Variants in ANK2 observed in about 807,000 individuals in gnomAD.
ANK2 encodes the protein ankyrin 2, also known as ankyrin-2.
ANK2 carries 83 observed loss-of-function variants against 360.5 expected under a neutral mutation model. That is an observed-to-expected ratio of 0.23 (90% CI 0.19 to 0.28). ANK2 has a LOEUF of 0.28. Among genes scored for constraint, ANK2 ranks in the 10% least tolerant of loss-of-function variants. ANK2 has a pLI of 1.00. For synonymous variants in ANK2, 1,740 were observed against 1,759.5 expected (o/e 0.99, Z 0.28); for missense variants, 4,201 against 4,795.7 (o/e 0.88, Z 3.66).
intron 26 of ANK2, among the ~76,000 whole-genome samples, chr4:113,326,137 A>G (rs1334968256): frequency 6.6e-6 from 1 of 152,108 alleles, no homozygotes; most frequent in Non-Finnish European, 1.5e-5. Context: ...GTTTGCTTAC[A>G]ATTTTTTTTA....
chr4:113,203,635 A>G (rs1376362525), intron 4 of ANK2, among the ~76,000 whole-genome samples: 1 of 152,214 alleles, frequency 6.6e-6, no homozygotes, highest in East Asian at 1.9e-4. Flanking sequence ...TCCTAACAGT[A>G]GACATTAATA....
At chr4:113,217,423 A>G (rs767602139) in intron 4 of ANK2, among the ~76,000 whole-genome samples, 5 of 152,184 alleles carry the variant, frequency 3.3e-5, no homozygotes, top group Non-Finnish European at 5.9e-5. Flanking sequence ...AAGTAGCCTT[A>G]AATTTTTGAA....
intron 37 of ANK2, among the ~76,000 whole-genome samples, chr4:113,352,598 T>C (rs1351700536): frequency 6.6e-6 from 1 of 152,186 alleles, no homozygotes; most frequent in Admixed American, 6.5e-5. Flanking sequence ...GAAATCAACT[T>C]TCTGCAATTT....
upstream of ANK2, among the ~76,000 whole-genome samples, chr4:112,817,388 T>C (rs2055755531): frequency 6.6e-6 from 1 of 152,174 alleles, no homozygotes; most frequent in Non-Finnish European, 1.5e-5. Context: ...GATCAATAAA[T>C]GATTATTGAA....
intron 1 of ANK2, among the ~76,000 whole-genome samples, chr4:112,884,539 T>C (rs2077714875): frequency 6.6e-6 from 1 of 152,192 alleles, no homozygotes; most frequent in South Asian, 2.1e-4. Context: ...AATCCATTCT[T>C]AGCTCATAGT....
At chr4:113,312,279 G>GAAAAAA (rs567713285) in intron 24 of ANK2, among the ~76,000 whole-genome samples, 1 of 119,724 alleles carries the variant, frequency 8.4e-6, no homozygotes, top group African/African-American at 3.6e-5. Context: ...TCTTGAGACA[G>GAAAAAA]AAAAAAAAAA....
intron 36 of ANK2, among the ~76,000 whole-genome samples, chr4:113,349,259 T>C (rs1298153356): frequency 2.0e-5 from 3 of 151,330 alleles, no homozygotes; most frequent in Admixed American, 6.6e-5. Context: ...AATATTATAA[T>C]AGAAATGAAA....
intron 24 of ANK2, among the ~76,000 whole-genome samples, chr4:113,316,272 C>G (rs1205952366): frequency 6.6e-6 from 1 of 152,140 alleles, no homozygotes; most frequent in Non-Finnish European, 1.5e-5. Flanking sequence ...TGTGTTAACG[C>G]AAGGATCAGA....
intron 1 of ANK2, among the ~76,000 whole-genome samples, chr4:113,120,537 A>G (rs1019356584): frequency 2.6e-5 from 4 of 152,210 alleles, no homozygotes; most frequent in African/African-American, 9.6e-5. Flanking sequence ...AAAATACATA[A>G]TTTTTAGAGA....
chr4:113,249,976 A>G lies in ANK2; in HGVS notation c.990+114A>G, dbSNP rs143193812. ...GCAAGCATTTTCTAGTTCTTTAATA[A>G]TTGTGTGCTAGGAATAGGAATATGT... On this transcript the variant is annotated intron_variant, in intron 10 of 45. Transcript: ENST00000357077. 1.2e-3 allele frequency: 1,113 copies of G among 949,494 alleles called. 3 individuals carry two copies. The African/African-American group carries it at 0.015, about 13-fold the overall frequency. 58.8% of individuals were successfully genotyped at this position (949,494 alleles called of 1,614,324 possible).
At chr4:113,142,960 C>G (rs2096691175) in intron 1 of ANK2, among the ~76,000 whole-genome samples, 2 of 151,288 alleles carry the variant, frequency 1.3e-5, no homozygotes, top group African/African-American at 2.4e-5. Context: ...AAATATTTGT[C>G]ACACTTAAAT....
At chr4:113,132,214 G>A (rs1562289447) in intron 1 of ANK2, among the ~76,000 whole-genome samples, 3 of 152,112 alleles carry the variant, frequency 2.0e-5, no homozygotes, top group Non-Finnish European at 1.5e-5. Context: ...ATGATATGAT[G>A]TATATGCACA....
rs796248552 is a variant in ANK2, at chr4:113,212,279, T to A, written c.384+13170T>A. Reference sequence around the variant, plus strand: ...TTGGTGCAATTACTAATAACTTTTTTTCAGATATTATTCTTTAGTGTTTAT... The same window carrying A: ...TTGGTGCAATTACTAATAACTTTTTATCAGATATTATTCTTTAGTGTTTAT... On this transcript the variant is annotated intron_variant, in intron 4 of 45. Coordinates refer to ENST00000357077, the MANE Select transcript of ANK2 (RefSeq NM_001148.6). Among the ~76,000 whole-genome samples the A allele has an allele frequency of 5.9e-5, 9 of 152,336 alleles. 1 individual carries two copies. Among genetic ancestry groups the A allele is most frequent in the African/African-American group, 2.2e-4 (9 of 41,576 alleles).
chr4:113,218,095 T>C (rs889636776), intron 4 of ANK2, among the ~76,000 whole-genome samples: 31 of 152,302 alleles, frequency 2.0e-4, no homozygotes, highest in African/African-American at 7.2e-4. Context: ...AAGACTTTCA[T>C]TGTGCTTAAA....
intron 2 of ANK2, among the ~76,000 whole-genome samples, chr4:112,967,781 T>G (rs1341485323): frequency 1.3e-5 from 2 of 152,204 alleles, no homozygotes; most frequent in Admixed American, 6.5e-5. Flanking sequence ...GCAAAATTGT[T>G]AGTGTGGGTG....
Position 113,318,557 on chromosome 4 carries a change from G to A in ANK2, c.2837G>A (p.Arg946His), listed in dbSNP as rs768671380. The change falls in exon 26 of 46, where the codon CGC (arginine) becomes CAC (histidine). Residue 946 changes from arginine to histidine, a missense_variant. Arg to His is a conservative substitution (Grantham distance 29, BLOSUM62 0). Around this residue, in one of 4 missense-constraint regions of ANK2, gnomAD observed 1,268 missense variants for 1,650.8 expected, o/e 0.77. Coordinates refer to ENST00000357077, the MANE Select transcript of ANK2 (RefSeq NM_001148.6). Reference sequence around the variant, plus strand: ...AAGGAGGCAGAAAGGAATTCTTATCGCCTAAGCTGGGGCACTGAGAACTTA... The same window carrying A: ...AAGGAGGCAGAAAGGAATTCTTATCACCTAAGCTGGGGCACTGAGAACTTA... ...LAKEAERNSYRLSWGTENLDN... is the reference protein window; with the variant it reads ...LAKEAERNSYHLSWGTENLDN... 31 of 1,613,624 alleles carry A rather than the reference G, an allele frequency of 1.9e-5. No individual in the cohort carries two copies. Among genetic ancestry groups the A allele is most frequent in the East Asian group, 4.5e-5 (2 of 44,880 alleles).
At chr4:112,788,679 C>A in the ANK2 span, 9 of 1,600,488 alleles carry the variant, frequency 5.6e-6, no homozygotes, top group South Asian at 7.7e-5. Flanking sequence ...GAGGATGGCT[C>A]TCTGCTGCTG....
rs552991564 is a variant in ANK2 at position 112,848,789 on chromosome 4, T to C, written c.-40+30525T>C. 3.4e-4 allele frequency among the ~76,000 whole-genome samples: 52 copies of C among 152,316 alleles called. No homozygotes were observed. In the East Asian group the frequency reaches 9.4e-3, roughly 28 times the overall value. On this transcript the variant is annotated intron_variant, in intron 1 of 30. Transcript: ENST00000503271. ...GACATGGAATAAATGCCTATTAAATTGAATTGCATTGAATTGAATAGAAAT... is the reference window on the plus strand; with the variant it reads ...GACATGGAATAAATGCCTATTAAATCGAATTGCATTGAATTGAATAGAAAT...
At chr4:113,047,055 A>C (rs2064719779), upstream of ANK2, among the ~76,000 whole-genome samples, 1 of 152,216 alleles carries the variant, frequency 6.6e-6, no homozygotes, top group Non-Finnish European at 1.5e-5. Flanking sequence ...TCTCCTATAG[A>C]TCCAGTTACG....
Sources: gnomAD v4.1 joint callset for allele counts (sites outside exome capture counted in the v4.1 genomes callset) on GRCh38, gnomAD v4.1.1 for gene constraint, gnomAD v4.1.1 regional missense constraint, MANE v1.5 for transcripts, NCBI Gene and HGNC (gene_info 2026-07-23, HGNC 2026-07-21) for gene names.